TRAPPC10: variants seen among roughly 807,000 people sequenced by gnomAD.
TRAPPC10 encodes trafficking protein particle complex subunit 10.
TRAPPC10 carries 23 observed loss-of-function variants against 125.5 expected under a neutral mutation model. The ratio of observed to expected loss-of-function variants is 0.18; its 90% CI spans 0.13 to 0.26. The LOEUF is 0.26. TRAPPC10 is among the 10% of genes least tolerant of loss of function. The pLI, the probability that TRAPPC10 is intolerant of heterozygous loss-of-function variation, is 1.00. For synonymous variants in TRAPPC10, 509 were observed against 518.0 expected (o/e 0.98, Z 0.24); for missense variants, 1,123 against 1,308.4 (o/e 0.86, Z 2.19).
rs2037945300 is a variant in TRAPPC10, at chr21:44,084,026, T to TC, written c.2239-95dup. 4.1e-6 allele frequency: 6 copies of TC among 1,449,104 alleles called. No individual in the cohort carries two copies. The East Asian group carries it at 1.4e-4, about 34-fold the overall frequency. The allele number at this position is 1,449,104 out of a possible 1,614,324, so 89.8% of individuals were successfully genotyped here. A position where few individuals can be genotyped will look rare whatever the true frequency, so the allele number is the denominator to read the frequency against. The stretch of plus-strand genomic sequence containing the variant: ...CAAGAGGGAAAGAAGTACAGGCCTT[T>TC]CTGGAGTTCAGAGAGACCGCTGCAC... On this transcript the variant is annotated intron_variant, in intron 14 of 22. Transcript: ENST00000291574.
chr21:44,082,716 T>C lies in TRAPPC10; in HGVS notation c.1724-72T>C. 6.5e-7 allele frequency: 1 copy of C among 1,547,504 alleles called. No individual in the cohort carries two copies. Among genetic ancestry groups the C allele is most frequent in the Non-Finnish European group, 8.8e-7 (1 of 1,135,470 alleles). On this transcript the variant is annotated intron_variant, in intron 13 of 22. Coordinates refer to ENST00000291574, the MANE Select transcript of TRAPPC10 (RefSeq NM_003274.5). The surrounding 1 kb of genome is among the most constrained non-coding windows in gnomAD (Gnocchi z 4.4). ...GTCTGCTCTCGGTGATCTTACTGTG[T>C]CCGCGGCCTGCTGCTGCTTACTGTC... is the stretch of plus-strand genomic sequence containing the variant.
At chr21:44,046,332 G>A in intron 3 of TRAPPC10, 1 of 258,396 alleles carries the variant, frequency 3.9e-6, no homozygotes, top group South Asian at 6.0e-5. Context: ...GAGAAACAAG[G>A]AATCCAGGCA....
chr21:44,069,452 TG>T (rs2036692496), intron 7 of TRAPPC10, among the ~76,000 whole-genome samples: 2 of 152,118 alleles, frequency 1.3e-5, no homozygotes, highest in African/African-American at 2.4e-5. Context: ...CCATTATTAA[TG>T]AAGTACCAGC....
intron 18 of TRAPPC10, among the ~76,000 whole-genome samples, chr21:44,090,316 C>A (rs189450157): frequency 6.6e-6 from 1 of 152,188 alleles, no homozygotes. Context: ...GTTCTCCTGT[C>A]CCTGTATTTC....
intron 2 of TRAPPC10, among the ~76,000 whole-genome samples, chr21:44,035,962 A>G (rs561951245): frequency 1.3e-5 from 2 of 152,340 alleles, no homozygotes; most frequent in Admixed American, 6.5e-5. Flanking sequence ...TCGGGAGATC[A>G]TTGCTAAAAG....
At chr21:44,053,250 AT>A (rs1476233662) in intron 4 of TRAPPC10, among the ~76,000 whole-genome samples, 1 of 152,170 alleles carries the variant, frequency 6.6e-6, no homozygotes, top group African/African-American at 2.4e-5. Context: ...GAAAATGGAT[AT>A]TAACTCTTAG....
intron 17 of TRAPPC10, chr21:44,088,574 A>G (rs2038309689): frequency 6.4e-6 from 1 of 155,900 alleles, no homozygotes; most frequent in African/African-American, 2.4e-5. Context: ...GAGTCACCAG[A>G]CAAGTCCACG....
At chr21:44,083,404 T>G (rs1425070751) in intron 14 of TRAPPC10, 102 bp downstream of exon 14, 1 of 1,316,286 alleles carries the variant, frequency 7.6e-7, no homozygotes, top group African/African-American at 1.5e-5. Context: ...TAGAGTCCTT[T>G]GTTCTCCTAA....
intron 7 of TRAPPC10, among the ~76,000 whole-genome samples, chr21:44,068,996 A>T (rs1317059569): frequency 6.6e-6 from 1 of 152,176 alleles, no homozygotes; most frequent in African/African-American, 2.4e-5. Context: ...TCTTGATCTC[A>T]CCCCATAAAC....
chr21:44,055,079 A>G (rs1182017933), intron 4 of TRAPPC10, among the ~76,000 whole-genome samples: 1 of 152,160 alleles, frequency 6.6e-6, no homozygotes, highest in Non-Finnish European at 1.5e-5. Context: ...GGAGGCAGGG[A>G]ACTGAGTGAG....
chr21:44,077,805 C>T (rs1348111531), intron 11 of TRAPPC10, 21 bp downstream of exon 11: 4 of 1,552,780 alleles, frequency 2.6e-6, no homozygotes, highest in Non-Finnish European at 3.5e-6. Context: ...TTGTACTTTT[C>T]TTTGAATTCT....
At position 44,013,309 on chromosome 21, in the gene TRAPPC10, TC is replaced by T. The variant is rs1569131279; in HGVS notation, c.67+751del. Among the ~76,000 whole-genome samples, 4 of 152,338 alleles carry T rather than the reference TC, an allele frequency of 2.6e-5. No individual in the cohort carries two copies. The South Asian group carries it at 8.3e-4, about 32-fold the overall frequency. On this transcript the variant is annotated intron_variant, in intron 1 of 22. Transcript: ENST00000291574. The stretch of plus-strand genomic sequence containing the variant: ...TCCCTAAATTTTAGAAGTGTGACTC[TC>T]CAGAGTTAAATACGGTTAAGAACAG...
chr21:44,063,132 C>CA lies in TRAPPC10; in HGVS notation c.791-406_791-405insA. 1 of 1,306,368 alleles carries CA rather than the reference C, an allele frequency of 7.7e-7. No homozygotes were observed. The highest frequency in any genetic ancestry group is 1.5e-5 in the African/African-American group (1 of 66,028). 80.9% of individuals were successfully genotyped at this position (1,306,368 alleles called of 1,614,324 possible). On this transcript the variant is annotated intron_variant, in intron 6 of 22. Coordinates refer to ENST00000291574, the MANE Select transcript of TRAPPC10 (RefSeq NM_003274.5). This position sits in a 1 kb window ranked among gnomAD's most constrained non-coding sequence, Gnocchi z 4.4. ...GTAATCTAAGGAAGACCAAAAAACA[C>CA]CAGGATGGTCAGAGCAGGCTGCACT... is the stretch of plus-strand genomic sequence containing the variant.
chr21:44,048,429 C>T (rs931613685), intron 3 of TRAPPC10, among the ~76,000 whole-genome samples: 4 of 152,094 alleles, frequency 2.6e-5, no homozygotes, highest in African/African-American at 9.7e-5. Context: ...CCTTGGTGTC[C>T]TGGTCTTGAA....
chr21:44,083,836 G>T (rs989262079), intron 14 of TRAPPC10, among the ~76,000 whole-genome samples: 1 of 152,202 alleles, frequency 6.6e-6, no homozygotes. Context: ...CTTAAATCTC[G>T]TGCTGAATGT....
At chr21:44,049,207 C>T (rs1045760162) in intron 3 of TRAPPC10, among the ~76,000 whole-genome samples, 2 of 152,152 alleles carry the variant, frequency 1.3e-5, no homozygotes, top group Admixed American at 6.5e-5. Context: ...ATCTGTATTT[C>T]GTGTGTAGCT....
chr21:44,016,379 TTTC>T (rs2031844708), intron 1 of TRAPPC10, among the ~76,000 whole-genome samples: 1 of 152,204 alleles, frequency 6.6e-6, no homozygotes, highest in African/African-American at 2.4e-5. Flanking sequence ...ATTTGTGGCT[TTTC>T]TTTGTTGACT....
chr21:44,052,461 A>G lies in TRAPPC10; in HGVS notation c.467A>G (p.Asn156Ser). The change falls in exon 4 of 23, where the codon AAT becomes AGT. Residue 156 changes from asparagine (N) to serine (S), a missense_variant. Physicochemically the swap from Asn to Ser is conservative, Grantham distance 46 (BLOSUM62 1). Around this residue, in one of 4 missense-constraint regions of TRAPPC10, gnomAD observed 177 missense variants for 228.9 expected, o/e 0.77. Coordinates refer to ENST00000291574, the MANE Select transcript of TRAPPC10 (RefSeq NM_003274.5). ...GACAAAATAAGAAATGATTTTTGTA[A>G]TAAACAGAGTGACAGGTAAGTGTAT... ...IVDKIRNDFCNKQSDRCVVLS... is the reference protein window; with the variant it reads ...IVDKIRNDFCSKQSDRCVVLS... 6.2e-7 allele frequency: 1 copy of G among 1,605,236 alleles called. No homozygotes were observed. Among genetic ancestry groups the G allele is most frequent in the South Asian group, 1.1e-5 (1 of 89,046 alleles).
rs973152787 is a variant in TRAPPC10, at chr21:44,012,472, G to A, written c.-22G>A. ...GGCTGCCCATGGGGCGCGGGGGGCC[G>A]GGCCGGTGACGCCGGACGCCCATGG... On this transcript the variant is annotated 5_prime_UTR_variant, in exon 1 of 23. Coordinates refer to ENST00000291574, the MANE Select transcript of TRAPPC10 (RefSeq NM_003274.5). The A allele has an allele frequency of 4.1e-6, 6 of 1,453,072 alleles. No homozygotes were observed. The highest frequency in any genetic ancestry group is 3.0e-5 in the African/African-American group (2 of 67,124). 90.0% of individuals were successfully genotyped at this position (1,453,072 alleles called of 1,614,324 possible). A position where few individuals can be genotyped will look rare whatever the true frequency, so the allele number is the denominator to read the frequency against.
Sources: allele counts gnomAD v4.1 joint callset (sites outside exome capture counted in the v4.1 genomes callset), GRCh38; gene constraint gnomAD v4.1.1; regional missense constraint gnomAD v4.1.1; non-coding constraint Gnocchi (gnomAD v3.1); transcripts MANE v1.5; gene names NCBI Gene and HGNC (gene_info 2026-07-23, HGNC 2026-07-21).